CSMD1: variants seen among roughly 807,000 people sequenced by gnomAD.
CSMD1 encodes the protein CUB and Sushi multiple domains 1, also known as CUB and sushi domain-containing protein 1.
In CSMD1, 213 loss-of-function variants were observed where a neutral mutation model predicts 417.5. That is an observed-to-expected ratio of 0.51 (90% confidence interval 0.46 to 0.57). CSMD1 has a LOEUF of 0.57. CSMD1 is among the 20% of genes least tolerant of loss of function. The pLI, the probability that CSMD1 is intolerant of heterozygous loss-of-function variation, is 0.00. For synonymous variants in CSMD1, 2,862 were observed against 1,736.8 expected (o/e 1.65, Z -16.11); for missense variants, 6,923 against 4,529.7 (o/e 1.53, Z -15.17).
intron 7 of CSMD1, among the ~76,000 whole-genome samples, chr8:3,706,369 A>T (rs192977133): frequency 1.3e-5 from 2 of 152,358 alleles, no homozygotes; most frequent in East Asian, 3.9e-4. Flanking sequence ...TCAGTGAAAC[A>T]ATTTCATTTT....
intron 1 of CSMD1, among the ~76,000 whole-genome samples, chr8:4,704,088 C>T (rs556814832): frequency 6.6e-6 from 1 of 152,182 alleles, no homozygotes; most frequent in African/African-American, 2.4e-5. Flanking sequence ...AGACTGGTTC[C>T]TAACAGGCCA....
chr8:3,393,112 G>A (rs567293771), intron 17 of CSMD1, among the ~76,000 whole-genome samples: 1 of 152,106 alleles, frequency 6.6e-6, no homozygotes, highest in African/African-American at 2.4e-5. Context: ...TCAAGGTTCA[G>A]TATCACATCC....
intron 25 of CSMD1, among the ~76,000 whole-genome samples, chr8:3,305,822 G>C (rs778707428): frequency 3.9e-5 from 6 of 152,082 alleles, no homozygotes; most frequent in Admixed American, 2.0e-4. Flanking sequence ...TGGGACTACA[G>C]GTGCCTGCCA....
chr8:4,466,581 A>G (rs1265235739), intron 2 of CSMD1, among the ~76,000 whole-genome samples: 1 of 152,232 alleles, frequency 6.6e-6, no homozygotes. Context: ...CAACAGTGTC[A>G]CAAAGTTTAG....
chr8:4,105,797 G>A (rs1801538868), intron 3 of CSMD1, among the ~76,000 whole-genome samples: 1 of 152,186 alleles, frequency 6.6e-6, no homozygotes, highest in Non-Finnish European at 1.5e-5. Context: ...GTTGAAAAGT[G>A]TCCTTTCCAC....
chr8:3,540,888 G>T (rs7834368), intron 10 of CSMD1, among the ~76,000 whole-genome samples: 4 of 152,002 alleles, frequency 2.6e-5, no homozygotes, highest in African/African-American at 7.2e-5. Context: ...AACAGATGCC[G>T]GCGAGGCTGT....
At chr8:3,062,849 C>G (rs984147129) in intron 49 of CSMD1, among the ~76,000 whole-genome samples, 1 of 152,106 alleles carries the variant, frequency 6.6e-6, no homozygotes, top group African/African-American at 2.4e-5. Context: ...CAAAGCTGTG[C>G]AAGTAACTGA....
chr8:4,752,942 C>G (rs1325673234), intron 1 of CSMD1, among the ~76,000 whole-genome samples: 3 of 152,152 alleles, frequency 2.0e-5, no homozygotes, highest in Non-Finnish European at 4.4e-5. Context: ...CGTGATGATG[C>G]TCACAGCAGA....
chr8:4,967,564 AATTCTT>A (rs1308322143), intron 1 of CSMD1, among the ~76,000 whole-genome samples: 6 of 152,256 alleles, frequency 3.9e-5, no homozygotes, highest in Admixed American at 6.5e-5. Flanking sequence ...CAAATTTGGA[AATTCTT>A]ATTAACTATT....
At position 4,446,125 on chromosome 8, in the gene CSMD1, A is replaced by T. The variant is rs77865705; in HGVS notation, c.303-26060T>A. On this transcript the variant is annotated intron_variant, in intron 2 of 69. Transcript: ENST00000635120. ...CAGCAAGTTGTGATTTTGTTGTTAC[A>T]TTCGTTACATACGTGAGTTTTGAAC... Among the ~76,000 whole-genome samples the T allele has an allele frequency of 2.5e-3, 387 of 152,274 alleles. 1 individual carries two copies. Among genetic ancestry groups the T allele is most frequent in the African/African-American group, 9.0e-3 (373 of 41,540 alleles).
At chr8:4,779,194 G>A (rs1330961497) in intron 1 of CSMD1, among the ~76,000 whole-genome samples, 1 of 152,124 alleles carries the variant, frequency 6.6e-6, no homozygotes, top group Admixed American at 6.5e-5. Context: ...GCAAACATAT[G>A]CTAACTGGTC....
At chr8:4,521,803 A>G (rs4875355) in intron 2 of CSMD1, among the ~76,000 whole-genome samples, 41,688 of 152,010 alleles carry the variant, frequency 0.27, 6,953 homozygotes, top group Admixed American at 0.43. Context: ...AAAACCAAGC[A>G]CCTGGGTGGC....
At chr8:3,912,224 T>C (rs954339499) in intron 5 of CSMD1, among the ~76,000 whole-genome samples, 1 of 152,206 alleles carries the variant, frequency 6.6e-6, no homozygotes, top group Non-Finnish European at 1.5e-5. Context: ...TTCGACATAC[T>C]TCTATAGGGG....
At chr8:3,594,019 C>A (rs188348051) in intron 8 of CSMD1, among the ~76,000 whole-genome samples, 7 of 152,296 alleles carry the variant, frequency 4.6e-5, no homozygotes, top group African/African-American at 7.2e-5. Flanking sequence ...TTTAGAGCAA[C>A]AGAGTGACGT....
intron 1 of CSMD1, among the ~76,000 whole-genome samples, chr8:4,673,056 G>T (rs12680538): frequency 0.062 from 9,338 of 151,432 alleles, 330 homozygotes; most frequent in African/African-American, 0.1. Context: ...ACACAAACAT[G>T]CTGACATGGC....
chr8:4,700,208 T>G (rs777511551), intron 1 of CSMD1, among the ~76,000 whole-genome samples: 14 of 152,138 alleles, frequency 9.2e-5, no homozygotes, highest in Middle Eastern at 3.4e-3. Context: ...CTTAGAAAAA[T>G]AATAAAACCA....
intron 3 of CSMD1, among the ~76,000 whole-genome samples, chr8:4,067,669 A>C (rs1273651481): frequency 2.6e-5 from 4 of 152,198 alleles, no homozygotes; most frequent in African/African-American, 9.6e-5. Context: ...ATGCAGTCTC[A>C]CCACCTAACT....
chr8:3,108,385 T>C (rs1816285767), intron 44 of CSMD1, among the ~76,000 whole-genome samples: 1 of 152,212 alleles, frequency 6.6e-6, no homozygotes. Flanking sequence ...AGGATACATG[T>C]ATCTTGGAAT....
Position 3,019,079 on chromosome 8 carries a change from C to T in CSMD1, c.7856-429G>A, listed in dbSNP as rs559156058. ...ATTAAAGGCGCCTGCCACCATGTCC[C>T]GCTAATTTTTGTATTTTTAGTAGAG... is the stretch of plus-strand genomic sequence containing the variant. On this transcript the variant is annotated intron_variant, in intron 51 of 69. Transcript: ENST00000635120. Among the ~76,000 whole-genome samples, 12 of 152,194 alleles carry T rather than the reference C, an allele frequency of 7.9e-5. No individual in the cohort carries two copies. In the East Asian group the frequency reaches 1.2e-3, roughly 15 times the overall value.
Sources: gnomAD v4.1 joint callset for allele counts (sites outside exome capture counted in the v4.1 genomes callset) on GRCh38, gnomAD v4.1.1 for gene constraint, MANE v1.5 for transcripts, NCBI Gene and HGNC (gene_info 2026-07-23, HGNC 2026-07-21) for gene names.